TNFAIP8: variants seen among roughly 807,000 people sequenced by gnomAD.
The protein encoded by TNFAIP8 is TNF alpha induced protein 8, also known as tumor necrosis factor alpha-induced protein 8.
In TNFAIP8, 7 loss-of-function variants were observed where a neutral mutation model predicts 13.3. The observed-to-expected ratio is 0.52, with a 90% CI of 0.30 to 0.99. The LOEUF is 0.99. Ranked by LOEUF, TNFAIP8 falls within the 50% of genes least tolerant of loss-of-function variation. The pLI is 0.07. For synonymous variants in TNFAIP8, 94 were observed against 87.6 expected, an observed-to-expected ratio of 1.07 and a Z score of -0.41; for missense variants, 258 against 236.9, an observed-to-expected ratio of 1.09 and a Z score of -0.58.
At chr5:119,331,273 G>A (rs1431719173) in intron 1 of TNFAIP8, among the ~76,000 whole-genome samples, 1 of 150,674 alleles carries the variant, frequency 6.6e-6, no homozygotes. Flanking sequence ...ATTCTGTAAG[G>A]TTTGACTGCT....
At chr5:119,305,480 A>T (rs1388777186) in intron 1 of TNFAIP8, among the ~76,000 whole-genome samples, 1 of 152,230 alleles carries the variant, frequency 6.6e-6, no homozygotes, top group Non-Finnish European at 1.5e-5. Context: ...CTGTAGTCCC[A>T]GCTGCTCGGA....
At chr5:119,276,017 C>T (rs758981512) in intron 1 of TNFAIP8, among the ~76,000 whole-genome samples, 1 of 151,786 alleles carries the variant, frequency 6.6e-6, no homozygotes, top group Non-Finnish European at 1.5e-5. Context: ...CAGTGACTTG[C>T]GGAGACAGGT....
chr5:119,302,396 A>G (rs1191738938), intron 1 of TNFAIP8, among the ~76,000 whole-genome samples: 1 of 152,162 alleles, frequency 6.6e-6, no homozygotes, highest in Non-Finnish European at 1.5e-5. Flanking sequence ...TATTTTTAGT[A>G]TGTTTCCTGC....
At chr5:119,324,288 AAAAAAAAAAAAAAAAAAAAAAAAAAAG>A (rs1750148480) in intron 1 of TNFAIP8, among the ~76,000 whole-genome samples, 1 of 42,884 alleles carries the variant, frequency 2.3e-5, no homozygotes, top group African/African-American at 1.3e-4. Context: ...AAAAAAAAAA[AAAAAAAAAAAAAAAAAAAAAAAAAAAG>A]AAGAAGTTCC....
At chr5:119,338,210 A>C (rs9327099) in intron 1 of TNFAIP8, among the ~76,000 whole-genome samples, 1,590 of 130,546 alleles carry the variant, frequency 0.012, 6 homozygotes, top group African/African-American at 0.053. Context: ...ACACACACAC[A>C]CCTTCTCAGC....
At chr5:119,328,365 C>G (rs1750284980) in intron 1 of TNFAIP8, among the ~76,000 whole-genome samples, 1 of 152,154 alleles carries the variant, frequency 6.6e-6, no homozygotes, top group Non-Finnish European at 1.5e-5. Context: ...TGAAAATAGC[C>G]ACATGGGTAA....
chr5:119,275,011 TA>T (rs1748395374), intron 1 of TNFAIP8, among the ~76,000 whole-genome samples: 1 of 123,268 alleles, frequency 8.1e-6, no homozygotes, highest in South Asian at 2.4e-4. Context: ...GATTTTTTTT[TA>T]ATTTTTTTTT....
intron 1 of TNFAIP8, among the ~76,000 whole-genome samples, chr5:119,274,828 A>G (rs896992923): frequency 5.9e-5 from 9 of 152,202 alleles, no homozygotes; most frequent in Middle Eastern, 3.4e-3. Context: ...AACTTATCCA[A>G]TGTGCTGTAT....
chr5:119,305,593 G>A (rs1478767433), intron 1 of TNFAIP8, among the ~76,000 whole-genome samples: 1 of 152,074 alleles, frequency 6.6e-6, no homozygotes, highest in Admixed American at 6.5e-5. Context: ...AACACAGTGA[G>A]ATCCCATCTG....
intron 1 of TNFAIP8, among the ~76,000 whole-genome samples, chr5:119,338,673 A>G (rs549913853): frequency 1.3e-5 from 2 of 152,244 alleles, no homozygotes; most frequent in Non-Finnish European, 2.9e-5. Flanking sequence ...ATTTTCATGC[A>G]CTATTCCTCC....
chr5:119,348,537 C>T (rs978213739), intron 1 of TNFAIP8, among the ~76,000 whole-genome samples: 1 of 152,220 alleles, frequency 6.6e-6, no homozygotes, highest in South Asian at 2.1e-4. Context: ...GGATGAATGT[C>T]TGTTGCCGGT....
chr5:119,351,860 G>C (rs1034794714), upstream of TNFAIP8, among the ~76,000 whole-genome samples: 7 of 145,140 alleles, frequency 4.8e-5, no homozygotes, highest in Admixed American at 4.8e-4. Flanking sequence ...CACGATCTCA[G>C]CTTGCTGCAA....
chr5:119,375,874 T>G (rs1752258308), intron 1 of TNFAIP8, among the ~76,000 whole-genome samples: 1 of 152,156 alleles, frequency 6.6e-6, no homozygotes, highest in Non-Finnish European at 1.5e-5. Flanking sequence ...TTCTGCCTTT[T>G]TCTTATGACT....
intron 1 of TNFAIP8, among the ~76,000 whole-genome samples, chr5:119,392,044 G>T (rs1752913396): frequency 6.6e-6 from 1 of 152,164 alleles, no homozygotes; most frequent in African/African-American, 2.4e-5. Flanking sequence ...CTCATGAAAA[G>T]GTTATTTCCC....
intron 1 of TNFAIP8, chr5:119,391,534 C>G: frequency 6.2e-6 from 4 of 644,244 alleles, no homozygotes; most frequent in Non-Finnish European, 1.1e-5. Context: ...CTGAGATGGG[C>G]AGATCACCTG....
chr5:119,316,126 AG>A (rs1321326609), intron 1 of TNFAIP8: 1 of 151,644 alleles, frequency 6.6e-6, no homozygotes, highest in East Asian at 1.9e-4. Context: ...TTTGCAGATT[AG>A]AACTACAGTT....
chr5:119,384,515 C>G (rs954994753), intron 1 of TNFAIP8, among the ~76,000 whole-genome samples: 1 of 152,030 alleles, frequency 6.6e-6, no homozygotes, highest in African/African-American at 2.4e-5. Context: ...AGTAAGATAA[C>G]ACAAGTTCTA....
chr5:119,383,677 G>C (rs1447586698), intron 1 of TNFAIP8, among the ~76,000 whole-genome samples: 2 of 151,890 alleles, frequency 1.3e-5, no homozygotes, highest in Non-Finnish European at 2.9e-5. Context: ...TATGCAGGGA[G>C]AAAAAAAACA....
chr5:119,370,456 A>T (rs1752032275), intron 1 of TNFAIP8, among the ~76,000 whole-genome samples: 1 of 152,266 alleles, frequency 6.6e-6, no homozygotes, highest in African/African-American at 2.4e-5. Context: ...AAAGATAAAT[A>T]GACTTTATCA....
Sources: allele counts gnomAD v4.1 joint callset (sites outside exome capture counted in the v4.1 genomes callset), GRCh38; gene constraint gnomAD v4.1.1; transcripts MANE v1.5; gene names NCBI Gene and HGNC (gene_info 2026-07-23, HGNC 2026-07-21).